DPP6: variants seen among roughly 807,000 people sequenced by gnomAD.
DPP6 encodes A-type potassium channel modulatory protein DPP6.
Under a neutral mutation model 122.6 loss-of-function variants are expected in DPP6, and 69 were observed. That is an observed-to-expected ratio of 0.56 (90% CI 0.46 to 0.69). The LOEUF (loss-of-function observed/expected upper bound fraction) is 0.69. Ranked by LOEUF, DPP6 falls within the 30% of genes least tolerant of loss-of-function variation. The probability of loss-of-function intolerance (pLI) is 0.00; values close to 1 mark genes in which losing one functional copy is unlikely to be tolerated. For missense variants in DPP6, 928 were observed against 1,116.9 expected, an observed-to-expected ratio of 0.83 and a Z score of 2.41; for synonymous variants, 418 against 433.1, an observed-to-expected ratio of 0.97 and a Z score of 0.43.
At chr7:154,172,110 T>C (rs985301967) in intron 1 of DPP6, among the ~76,000 whole-genome samples, 1 of 150,096 alleles carries the variant, frequency 6.7e-6, no homozygotes, top group African/African-American at 2.5e-5. Context: ...GCAATACTTG[T>C]ATAGATTCTG....
chr7:154,123,667 C>T (rs964402417), intron 1 of DPP6, among the ~76,000 whole-genome samples: 9 of 152,056 alleles, frequency 5.9e-5, no homozygotes, highest in East Asian at 3.9e-4. Flanking sequence ...ACAGATGTGC[C>T]GCCTGCTCAC....
At chr7:154,336,636 A>C (rs918892029) in intron 1 of DPP6, among the ~76,000 whole-genome samples, 1 of 152,236 alleles carries the variant, frequency 6.6e-6, no homozygotes, top group Non-Finnish European at 1.5e-5. Context: ...ATGTGATTCA[A>C]GCTAACTGCC....
chr7:154,783,321 A>G (rs975659600), intron 10 of DPP6, among the ~76,000 whole-genome samples: 36 of 152,106 alleles, frequency 2.4e-4, no homozygotes, highest in African/African-American at 8.2e-4. Flanking sequence ...CAGGACGGGC[A>G]GGGTCTTCTC....
At chr7:154,224,420 G>A (rs1201556010) in intron 1 of DPP6, among the ~76,000 whole-genome samples, 1 of 149,070 alleles carries the variant, frequency 6.7e-6, no homozygotes, top group African/African-American at 2.6e-5. Flanking sequence ...TATCAAGGAT[G>A]ACTGCTAAGT....
chr7:154,405,409 C>T (rs1044060763), intron 1 of DPP6, among the ~76,000 whole-genome samples: 3 of 152,034 alleles, frequency 2.0e-5, no homozygotes, highest in African/African-American at 7.3e-5. Flanking sequence ...TCTAGCTACA[C>T]ATGAAAATAA....
At chr7:154,597,677 C>T (rs10237169) in intron 5 of DPP6, among the ~76,000 whole-genome samples, 88,292 of 151,402 alleles carry the variant, frequency 0.58, 26,094 homozygotes, top group East Asian at 0.69. Flanking sequence ...ACAGACTGGG[C>T]GTCTTCAACA....
the DPP6 span, among the ~76,000 whole-genome samples, chr7:153,797,199 A>T: frequency 6.6e-6 from 1 of 152,222 alleles, no homozygotes; most frequent in African/African-American, 2.4e-5. Context: ...GAGCCACAGG[A>T]TAAAACTAAA....
intron 5 of DPP6, among the ~76,000 whole-genome samples, chr7:154,620,962 A>G (rs1312662549): frequency 6.6e-6 from 1 of 152,220 alleles, no homozygotes; most frequent in Admixed American, 6.5e-5. Context: ...TTTTCTTTAG[A>G]ATGCCATACA....
intron 1 of DPP6, among the ~76,000 whole-genome samples, chr7:154,244,403 A>G (rs1489328480): frequency 6.6e-6 from 1 of 152,204 alleles, no homozygotes; most frequent in African/African-American, 2.4e-5. Flanking sequence ...AGAAGCTTTC[A>G]GAGGAAAGAA....
At chr7:154,510,253 A>G (rs1039166969) in intron 3 of DPP6, among the ~76,000 whole-genome samples, 2 of 152,244 alleles carry the variant, frequency 1.3e-5, no homozygotes, top group African/African-American at 2.4e-5. Context: ...TGAGGAAGAA[A>G]TAGAACAAGC....
chr7:153,905,440 A>AT (rs1799808463), intron 1 of DPP6, among the ~76,000 whole-genome samples: 1 of 152,156 alleles, frequency 6.6e-6, no homozygotes, highest in Non-Finnish European at 1.5e-5. Flanking sequence ...TTATTATTAT[A>AT]TTAACATAAG....
intron 3 of DPP6, among the ~76,000 whole-genome samples, chr7:154,529,815 A>T (rs1370027612): frequency 6.6e-6 from 1 of 152,246 alleles, no homozygotes; most frequent in Non-Finnish European, 1.5e-5. Context: ...CTTAGGAAAG[A>T]TTAAATGATA....
At chr7:154,817,681 G>T (rs146162780) in intron 16 of DPP6, among the ~76,000 whole-genome samples, 1 of 152,182 alleles carries the variant, frequency 6.6e-6, no homozygotes, top group Non-Finnish European at 1.5e-5. Flanking sequence ...TGAATGTCCT[G>T]AGTGATTAAT....
rs529311878 is a variant in DPP6 at position 154,052,991 on chromosome 7, C to T, written c.171C>T (p.Gly57=). The T allele has an allele frequency of 1.2e-5, 13 of 1,048,720 alleles. No homozygotes were observed. In the East Asian group the frequency reaches 4.0e-4, roughly 33 times the overall value. The allele number at this position is 1,048,720 out of a possible 1,614,324, so 65.0% of individuals were successfully genotyped here. The change falls in exon 1 of 26, where the codon GGC becomes GGT. Residue 57 remains glycine, a synonymous_variant. Coordinates refer to ENST00000377770, the MANE Select transcript of DPP6 (RefSeq NM_130797.4). This position sits in a 1 kb window ranked among gnomAD's most constrained non-coding sequence, Gnocchi z 4.8. Reference sequence around the variant, plus strand: ...AGGCGGCGGCGCCCCGGGAGCGCGGCGGCGGCGGCGGCGGCGCGGGTGGCC... The same window carrying T: ...AGGCGGCGGCGCCCCGGGAGCGCGGTGGCGGCGGCGGCGGCGCGGGTGGCC... ...RAQAAAPRER[G]GGGGGAGGRP...
chr7:154,772,118 T>C (rs1796282064), intron 9 of DPP6, among the ~76,000 whole-genome samples: 1 of 152,212 alleles, frequency 6.6e-6, no homozygotes, highest in South Asian at 2.1e-4. Context: ...AATCCCAGAT[T>C]ACTCAAGATT....
At chr7:153,776,303 G>A in the DPP6 span, among the ~76,000 whole-genome samples, 1 of 152,116 alleles carries the variant, frequency 6.6e-6, no homozygotes, top group Non-Finnish European at 1.5e-5. Flanking sequence ...CCTCGTGGGA[G>A]GTAATTGAAT....
At chr7:153,915,232 C>T (rs544846285) in intron 1 of DPP6, among the ~76,000 whole-genome samples, 1 of 152,288 alleles carries the variant, frequency 6.6e-6, no homozygotes. Context: ...TCCAAAGTGA[C>T]TCTACTGTGT....
At chr7:154,517,954 G>A (rs570847013) in intron 3 of DPP6, among the ~76,000 whole-genome samples, 3 of 152,192 alleles carry the variant, frequency 2.0e-5, no homozygotes, top group Non-Finnish European at 4.4e-5. Context: ...GACCTTTACC[G>A]GCTCCACCGA....
intron 1 of DPP6, among the ~76,000 whole-genome samples, chr7:153,959,264 A>G (rs974504811): frequency 1.3e-5 from 2 of 151,570 alleles, no homozygotes; most frequent in Non-Finnish European, 2.9e-5. Flanking sequence ...GGCACATAGC[A>G]TGCTCGTTAC....
Sources: allele counts gnomAD v4.1 joint callset (sites outside exome capture counted in the v4.1 genomes callset), GRCh38; gene constraint gnomAD v4.1.1; non-coding constraint Gnocchi (gnomAD v3.1); transcripts MANE v1.5; gene names NCBI Gene and HGNC (gene_info 2026-07-23, HGNC 2026-07-21).